The following FN1 variants were observed in gnomAD, a reference collection of about 807,000 sequenced individuals.
FN1 encodes fibronectin 1, also known as fibronectin.
FN1 carries 106 observed loss-of-function variants against 297.3 expected under a neutral mutation model. The ratio of observed to expected loss-of-function variants is 0.36; its 90% CI spans 0.30 to 0.42. The LOEUF (loss-of-function observed/expected upper bound fraction) is 0.42. Ranked by LOEUF, FN1 falls within the 10% of genes least tolerant of loss-of-function variation. The probability of loss-of-function intolerance (pLI) is 1.00; values close to 1 mark genes in which losing one functional copy is unlikely to be tolerated. For synonymous variants in FN1, 1,149 were observed against 1,152.6 expected, an observed-to-expected ratio of 1.00 and a Z score of 0.06; for missense variants, 2,690 against 3,124.9, an observed-to-expected ratio of 0.86 and a Z score of 3.32.
intron 15 of FN1, among the ~76,000 whole-genome samples, chr2:215,409,008 A>G (rs1216211413): frequency 6.6e-6 from 1 of 152,128 alleles, no homozygotes; most frequent in East Asian, 1.9e-4. Flanking sequence ...CAAATTTTTA[A>G]AAATAGCTCT....
At chr2:215,401,533 C>T (rs1052579198) in intron 20 of FN1, among the ~76,000 whole-genome samples, 2 of 152,176 alleles carry the variant, frequency 1.3e-5, no homozygotes, top group African/African-American at 2.4e-5. Context: ...GACATCTCCA[C>T]AATTCTTCCT....
In FN1 at chr2:215,385,846, T is replaced by C. The variant is rs1416060655; in HGVS notation, c.4612+843A>G. Among the ~76,000 whole-genome samples the C allele has an allele frequency of 2.7e-5, 4 of 149,776 alleles. No homozygotes were observed. In the East Asian group the frequency reaches 8.0e-4, roughly 30 times the overall value. On this transcript the variant is annotated intron_variant, in intron 28 of 45. Coordinates refer to ENST00000354785, the MANE Select transcript of FN1 (RefSeq NM_212482.4). Reference sequence around the variant, plus strand: ...AGGCTGGAGTGCAGTGACACAATCTTGGCTTACTGCAACCTCCGCCTCCTG... The same window carrying C: ...AGGCTGGAGTGCAGTGACACAATCTCGGCTTACTGCAACCTCCGCCTCCTG...
chr2:215,392,829 A>T (rs978610443), intron 25 of FN1, 102 bp downstream of exon 25: 7 of 1,338,604 alleles, frequency 5.2e-6, no homozygotes, highest in Non-Finnish European at 7.5e-6. Context: ...ATCTTTGGCC[A>T]ATTGCTGACT....
chr2:215,431,996 G>C, intron 3 of FN1, 32 bp from the exon 4 acceptor site: 1 of 1,609,996 alleles, frequency 6.2e-7, no homozygotes, highest in Non-Finnish European at 8.5e-7. Context: ...TGTTAGGAGA[G>C]GGCAGAACAG....
chr2:215,405,488 A>G (rs1184836197), intron 19 of FN1, among the ~76,000 whole-genome samples: 2 of 152,200 alleles, frequency 1.3e-5, no homozygotes, highest in Non-Finnish European at 2.9e-5. Context: ...TCACGCCTGT[A>G]ATCCCAGCAC....
At position 215,362,060 on chromosome 2, in the gene FN1, CA is replaced by C; in HGVS notation, c.7270del (p.Cys2424AlafsTer43). 1 of 1,614,034 alleles carries C rather than the reference CA, an allele frequency of 6.2e-7. No homozygotes were observed. The highest frequency in any genetic ancestry group is 8.5e-7 in the Non-Finnish European group (1 of 1,179,964). ...GGQRGWRCDNCRRPGGEPSPE... is the reference protein window; with the variant it reads ...GGQRGWRCDNXRRPGGEPSPE... ...ACTGGGTTCACCCCCAGGTCTGCGG[CA>C]GTTGTCACAGCGCCAGCCCTGAGAG... On this transcript the variant is annotated frameshift_variant, in exon 45 of 46. Coordinates refer to ENST00000354785, the MANE Select transcript of FN1 (RefSeq NM_212482.4). LOFTEE classifies it high-confidence loss of function.
chr2:215,391,803 G>A lies in FN1; in HGVS notation c.4081C>T (p.Pro1361Ser), dbSNP rs1480494828. The A allele has an allele frequency of 1.2e-6, 2 of 1,614,092 alleles. No individual in the cohort carries two copies. The highest frequency in any genetic ancestry group is 2.2e-5 in the South Asian group (2 of 91,086). The change falls in exon 26 of 46, where the codon CCC becomes TCC. Residue 1361 changes from proline (P) to serine (S), a missense_variant. Physicochemically the swap from Pro to Ser is moderately conservative, Grantham distance 74. Transcript: ENST00000354785. ...TLTQQTAVPP[P>S]TDLRFTNIGP... ...ATGTTGGTGAATCGCAGGTCAGTGG[G>A]AGGAGGAACAGCTGGTTTCGAACAA...
chr2:215,424,198 T>G lies in FN1; in HGVS notation c.1164A>C (p.Thr388=). ...GRQDGHLWCS[T]TSNYEQDQKY... ...TCTGGTCCTGCTCATAATTCGAAGT[T>G]GTGCTGCACCAAAGATGTCCGTCCT... The change falls in exon 8 of 46, where the codon ACA becomes ACC. Residue 388 remains threonine, a synonymous_variant. Transcript: ENST00000354785. The G allele has an allele frequency of 6.2e-7, 1 of 1,614,204 alleles. No homozygotes were observed. Among genetic ancestry groups the G allele is most frequent in the Non-Finnish European group, 8.5e-7 (1 of 1,180,042 alleles).
intron 11 of FN1, 26 bp from the exon 12 acceptor site, chr2:215,419,411 A>C (rs1323869021): frequency 1.2e-6 from 2 of 1,600,858 alleles, no homozygotes; most frequent in South Asian, 2.2e-5. Flanking sequence ...GGAAAAGATA[A>C]ACAGCCTTGA....
At position 215,397,221 on chromosome 2, in the gene FN1, A is replaced by G. The variant is rs1316442006; in HGVS notation, c.3520T>C (p.Leu1174=). Residue 1174 remains leucine, a splice_region_variant and synonymous_variant, in exon 23 of 46, where the codon TTG becomes CTG. Transcript: ENST00000354785. The part of the protein sequence containing the change: ...APIVNKVVTP[L]SPPTNLHLEA... Reference sequence around the variant, plus strand: ...AGATGCAAGTTTGTTGGTGGAGACAATGCTATGCAGAAAGAACATTTTAAA... The same window carrying G: ...AGATGCAAGTTTGTTGGTGGAGACAGTGCTATGCAGAAAGAACATTTTAAA... 5.0e-6 allele frequency: 8 copies of G among 1,609,882 alleles called. No individual in the cohort carries two copies. The highest frequency in any genetic ancestry group is 6.8e-6 in the Non-Finnish European group (8 of 1,176,270).
intron 12 of FN1, among the ~76,000 whole-genome samples, chr2:215,415,997 G>C (rs1332086872): frequency 6.6e-6 from 1 of 152,044 alleles, no homozygotes; most frequent in Non-Finnish European, 1.5e-5. Flanking sequence ...GCAAAATTTT[G>C]TATGTGTAAT....
intron 28 of FN1, among the ~76,000 whole-genome samples, chr2:215,386,383 C>G (rs2028203): frequency 2.6e-5 from 4 of 151,894 alleles, no homozygotes; most frequent in Admixed American, 1.3e-4. Flanking sequence ...GGCCAATTTT[C>G]TACATTTTCA....
At position 215,392,083 on chromosome 2, in the gene FN1, T is replaced by C. The variant is rs1224883047; in HGVS notation, c.4070-269A>G. 9 of 431,970 alleles carry C rather than the reference T, an allele frequency of 2.1e-5. No homozygotes were observed. The South Asian group carries it at 2.1e-4, about 10-fold the overall frequency. 26.8% of individuals were successfully genotyped at this position (431,970 alleles called of 1,614,324 possible). ...AATCTACTTTCAAATATGTTGACTT[T>C]ATGTACATTATTAATACCACTGCAG... On this transcript the variant is annotated intron_variant, in intron 25 of 45. Transcript: ENST00000354785.
At chr2:215,395,037 C>CCCAAAGCTTT (rs2060154689) in intron 23 of FN1, among the ~76,000 whole-genome samples, 1 of 152,090 alleles carries the variant, frequency 6.6e-6, no homozygotes, top group Non-Finnish European at 1.5e-5. Context: ...GGAGTGATTC[C>CCCAAAGCTTT]CCAAAGCTTT....
chr2:215,371,807 C>A lies in FN1; in HGVS notation c.6714+102G>T. 3 of 1,016,226 alleles carry A rather than the reference C, an allele frequency of 3.0e-6. No individual in the cohort carries two copies. In the South Asian group the frequency reaches 4.0e-5, roughly 13 times the overall value. The allele number at this position is 1,016,226 out of a possible 1,614,324, so 63.0% of individuals were successfully genotyped here. Reference sequence around the variant, plus strand: ...GGATTACAGGCGTGAGCCATCACACCCGGCCATGAAGCCACTTTTTATTCG... The same window carrying A: ...GGATTACAGGCGTGAGCCATCACACACGGCCATGAAGCCACTTTTTATTCG... On this transcript the variant is annotated intron_variant, in intron 40 of 45. Transcript: ENST00000354785.
intron 10 of FN1, 133 bp from the exon 11 acceptor site, chr2:215,420,934 C>T: frequency 1.1e-6 from 1 of 909,014 alleles, no homozygotes; most frequent in Non-Finnish European, 1.7e-6. Context: ...AACTTTTCTA[C>T]AAGCATAGAA....
At chr2:215,415,518 T>A (rs1227967597) in intron 12 of FN1, among the ~76,000 whole-genome samples, 1 of 152,210 alleles carries the variant, frequency 6.6e-6, no homozygotes, top group Admixed American at 6.5e-5. Flanking sequence ...GTTTTATTTC[T>A]CATCAGTCTA....
rs1263657594 is a variant in FN1 at position 215,367,252 on chromosome 2, TA to T, written c.7018+610del. On this transcript the variant is annotated intron_variant, in intron 42 of 45. Transcript: ENST00000354785. ...GATATTTCCTAGGCACATTTTAACT[TA>T]AAAAATTTGAAAATTAAAACGTATT... is the stretch of plus-strand genomic sequence containing the variant. Among the ~76,000 whole-genome samples the T allele has an allele frequency of 2.0e-5, 3 of 152,332 alleles. 1 individual carries two copies. The highest frequency in any genetic ancestry group is 7.2e-5 in the African/African-American group (3 of 41,592).
At position 215,375,652 on chromosome 2, in the gene FN1, G is replaced by T. The variant is rs148388245; in HGVS notation, c.5954C>A (p.Pro1985His). 169 of 1,612,720 alleles carry T rather than the reference G, an allele frequency of 1.0e-4. No individual in the cohort carries two copies. In the African/African-American group the frequency reaches 1.8e-3, roughly 17 times the overall value. The change falls in exon 37 of 46, where the codon CCT becomes CAT. Residue 1985 changes from proline (P) to histidine (H), a missense_variant. Physicochemically the swap from Pro to His is moderately conservative, Grantham distance 77. Transcript: ENST00000354785. ...YTLNDNARSSPVVIDASTAID... is the reference protein window; with the variant it reads ...YTLNDNARSSHVVIDASTAID... ...ACCAGTGGAGGCGTCGATGACCACA[G>T]GGGAGCTCCGAGCATTGTCATTCAA...
Sources: allele counts gnomAD v4.1 joint callset (sites outside exome capture counted in the v4.1 genomes callset), GRCh38; gene constraint gnomAD v4.1.1; transcripts MANE v1.5; gene names NCBI Gene and HGNC (gene_info 2026-07-23, HGNC 2026-07-21).